ADAM32: variants seen among roughly 807,000 people sequenced by gnomAD.
The protein encoded by ADAM32 is ADAM metallopeptidase domain 32, also known as disintegrin and metalloproteinase domain-containing protein 32.
A neutral mutation model predicts 114.9 loss-of-function variants in ADAM32; 89 were observed. The ratio of observed to expected loss-of-function variants is 0.77; its 90% CI spans 0.65 to 0.92. The LOEUF is 0.92. Among genes scored for constraint, ADAM32 ranks in the 40% least tolerant of loss-of-function variants. The pLI is 0.00. For missense variants in ADAM32, 870 were observed against 932.8 expected (o/e 0.93, Z 0.88); for synonymous variants, 285 against 307.5 (o/e 0.93, Z 0.77).
At chr8:39,111,741 A>C (rs1346556930) in intron 1 of ADAM32, among the ~76,000 whole-genome samples, 1 of 127,536 alleles carries the variant, frequency 7.8e-6, no homozygotes, top group East Asian at 2.2e-4. Flanking sequence ...AAAAAAAAAA[A>C]AGGAAAAAAA....
chr8:39,274,464 C>G, intron 21 of ADAM32, 114 bp downstream of exon 21: 1 of 1,185,116 alleles, frequency 8.4e-7, no homozygotes, highest in Non-Finnish European at 1.2e-6. Flanking sequence ...AAGCAATGCA[C>G]TAAAATCCAG....
At chr8:39,155,862 G>A (rs1804112793) in intron 6 of ADAM32, among the ~76,000 whole-genome samples, 1 of 151,116 alleles carries the variant, frequency 6.6e-6, no homozygotes. Flanking sequence ...TTTCTTAGTG[G>A]TTACTCTGGA....
intron 6 of ADAM32, among the ~76,000 whole-genome samples, chr8:39,152,720 CAAAAAAAAAAAAAAAAAA>C (rs112877602): frequency 0.92 from 127,525 of 138,822 alleles, 58,927 homozygotes; most frequent in Middle Eastern, 1. Flanking sequence ...GACTCCATCT[CAAAAAAAAAAAAAAAAAA>C]AAAAAAAAAA....
At chr8:39,150,499 T>G (rs1803758296) in intron 5 of ADAM32, among the ~76,000 whole-genome samples, 1 of 152,200 alleles carries the variant, frequency 6.6e-6, no homozygotes, top group Non-Finnish European at 1.5e-5. Flanking sequence ...AAACAAATAA[T>G]TTTTAATACT....
intron 22 of ADAM32, among the ~76,000 whole-genome samples, chr8:39,279,289 T>G (rs1813277818): frequency 6.6e-6 from 1 of 152,148 alleles, no homozygotes; most frequent in African/African-American, 2.4e-5. Flanking sequence ...GTTTCTTTCG[T>G]CTTTTATTTA....
chr8:39,276,681 G>A (rs1017084015), intron 22 of ADAM32, among the ~76,000 whole-genome samples: 11 of 152,104 alleles, frequency 7.2e-5, no homozygotes, highest in East Asian at 5.8e-4. Flanking sequence ...GAATGCCTGC[G>A]TTGCTCATTT....
At chr8:39,212,144 G>C (rs906276870) in intron 12 of ADAM32, among the ~76,000 whole-genome samples, 2 of 152,074 alleles carry the variant, frequency 1.3e-5, no homozygotes, top group Non-Finnish European at 2.9e-5. Flanking sequence ...AGCCTCCCAA[G>C]TAGCTGGGAT....
chr8:39,273,895 G>A (rs1392488320), intron 20 of ADAM32, among the ~76,000 whole-genome samples: 1 of 152,064 alleles, frequency 6.6e-6, no homozygotes, highest in Admixed American at 6.5e-5. Context: ...AGGCAGTATA[G>A]GTTTTAATTT....
rs761533079 is a variant in ADAM32, at chr8:39,274,386, T to C, written c.2240+36T>C. The C allele has an allele frequency of 6.3e-6, 10 of 1,589,492 alleles. No homozygotes were observed. In the South Asian group the frequency reaches 1.0e-4, roughly 16 times the overall value. ...TAGAAGAGGTTTTTAAGATACATGT[T>C]GAAAATTAAGAATTTATTGATAATT... On this transcript the variant is annotated intron_variant, in intron 21 of 24. Transcript: ENST00000379907.
At chr8:39,150,801 T>C (rs1268770061) in intron 5 of ADAM32, among the ~76,000 whole-genome samples, 2 of 152,222 alleles carry the variant, frequency 1.3e-5, no homozygotes, top group Non-Finnish European at 1.5e-5. Context: ...ATCTTGCTTT[T>C]AATTTCTTAT....
intron 3 of ADAM32, among the ~76,000 whole-genome samples, chr8:39,138,988 GTTCA>G (rs1412326115): frequency 6.6e-6 from 1 of 152,156 alleles, no homozygotes; most frequent in Non-Finnish European, 1.5e-5. Context: ...AGAATTGTCT[GTTCA>G]TATCCTTTGG....
At chr8:39,271,215 T>G (rs1258863080) in intron 20 of ADAM32, among the ~76,000 whole-genome samples, 1 of 152,156 alleles carries the variant, frequency 6.6e-6, no homozygotes, top group South Asian at 2.1e-4. Flanking sequence ...TTACCCAGCT[T>G]GTGTTATAGA....
Position 39,223,220 on chromosome 8 carries a change from G to A in ADAM32, c.1507G>A (p.Glu503Lys). ...CTGCCATGATCTCGATGCACGTTGTGAGAGTGTATTTGGAAAAGGTAATAT... is the reference window on the plus strand; with the variant it reads ...CTGCCATGATCTCGATGCACGTTGTAAGAGTGTATTTGGAAAAGGTAATAT... ...GDCHDLDARCESVFGKGSRNA... is the reference protein window; with the variant it reads ...GDCHDLDARCKSVFGKGSRNA... Residue 503 changes from glutamate (E) to lysine (K), a missense_variant, in exon 14 of 25, where the codon GAG (glutamate) becomes AAG (lysine). Physicochemically the swap from Glu to Lys is moderately conservative, Grantham distance 56. Coordinates refer to ENST00000379907, the MANE Select transcript of ADAM32 (RefSeq NM_145004.7). 4 of 1,585,258 alleles carry A rather than the reference G, an allele frequency of 2.5e-6. No homozygotes were observed. The highest frequency in any genetic ancestry group is 3.4e-6 in the Non-Finnish European group (4 of 1,167,816).
intron 10 of ADAM32, among the ~76,000 whole-genome samples, chr8:39,178,279 A>G (rs546867039): frequency 6.6e-6 from 1 of 151,954 alleles, no homozygotes; most frequent in Admixed American, 6.6e-5. Flanking sequence ...TCAAGCTCTG[A>G]TATTTTTTCC....
chr8:39,143,623 C>T (rs778931138), intron 3 of ADAM32, among the ~76,000 whole-genome samples: 1 of 152,066 alleles, frequency 6.6e-6, no homozygotes, highest in Admixed American at 6.6e-5. Context: ...AGGTGTCTGT[C>T]GACCCCTACT....
intron 6 of ADAM32, chr8:39,158,609 G>T: frequency 3.7e-6 from 1 of 270,550 alleles, no homozygotes. Context: ...CACTGGGGAA[G>T]CTCTTCACCT....
In ADAM32 at chr8:39,136,693, CTG is replaced by C. The variant is rs761007791; in HGVS notation, c.177_178del (p.Tyr60HisfsTer5). ...ISYIIPIDEKLYTVHLKQRYF... is the reference protein window; with the variant it reads ...ISYIIPIDEKXYTVHLKQRYF... ...CTATATTATTCCAATAGATGAGAAA[CTG>C]TACACTGTGCACCTTAAACAAAGGT... On this transcript the variant is annotated frameshift_variant, in exon 3 of 25. Transcript: ENST00000379907. LOFTEE classifies it high-confidence loss of function. 1.3e-4 allele frequency: 208 copies of C among 1,542,708 alleles called. No individual in the cohort carries two copies. Among genetic ancestry groups the C allele is most frequent in the Non-Finnish European group, 1.4e-4 (161 of 1,142,516 alleles).
chr8:39,283,593 T>G lies in ADAM32; in HGVS notation c.2326T>G (p.Ser776Ala). Residue 776 changes from serine (S) to alanine (A), a missense_variant, in exon 24 of 25, where the codon TCA (serine) becomes GCA (alanine). Physicochemically the swap from Ser to Ala is moderately conservative, Grantham distance 99. Transcript: ENST00000379907. Reference sequence around the variant, plus strand: ...ATTTCCTTATTTCCTTAGATCCAAATCACAGGACAGTACCCAAACACAAAG... The same window carrying G: ...ATTTCCTTATTTCCTTAGATCCAAAGCACAGGACAGTACCCAAACACAAAG... ...SAEAYTSRSK[S>A]QDSTQTQSSS... 6.2e-7 allele frequency: 1 copy of G among 1,601,082 alleles called. No individual in the cohort carries two copies. Among genetic ancestry groups the G allele is most frequent in the Non-Finnish European group, 8.5e-7 (1 of 1,171,556 alleles).
chr8:39,140,943 A>C (rs1803113717), intron 3 of ADAM32, among the ~76,000 whole-genome samples: 1 of 152,002 alleles, frequency 6.6e-6, no homozygotes, highest in African/African-American at 2.4e-5. Flanking sequence ...TTTGCATAGA[A>C]TTTATCCATT....
Sources: allele counts gnomAD v4.1 joint callset (sites outside exome capture counted in the v4.1 genomes callset), GRCh38; gene constraint gnomAD v4.1.1; transcripts MANE v1.5; gene names NCBI Gene and HGNC (gene_info 2026-07-23, HGNC 2026-07-21).